JAG1: variants seen among roughly 807,000 people sequenced by gnomAD.
JAG1 encodes the protein protein jagged-1.
A neutral mutation model predicts 148.7 loss-of-function variants in JAG1; 23 were observed. The observed-to-expected ratio is 0.15, with a 90% CI of 0.11 to 0.22. The LOEUF (loss-of-function observed/expected upper bound fraction) is 0.22. JAG1 is among the 10% of genes least tolerant of loss of function. The pLI, the probability that JAG1 is intolerant of heterozygous loss-of-function variation, is 1.00. For missense variants in JAG1, 1,054 were observed against 1,611.2 expected (o/e 0.65, Z 5.92); for synonymous variants, 572 against 598.3 (o/e 0.96, Z 0.64).
At chr20:10,661,877 G>T (rs528511825) in intron 3 of JAG1, among the ~76,000 whole-genome samples, 2 of 152,316 alleles carry the variant, frequency 1.3e-5, no homozygotes, top group African/African-American at 4.8e-5. Context: ...TTCAGAACTT[G>T]GAGGTGGACT....
intron 5 of JAG1, among the ~76,000 whole-genome samples, chr20:10,654,536 GA>G (rs200065818): frequency 0.03 from 4,471 of 148,280 alleles, 101 homozygotes; most frequent in South Asian, 0.13. Context: ...ATGTGGGGGT[GA>G]AAAAAAAAAT....
intron 2 of JAG1, among the ~76,000 whole-genome samples, chr20:10,664,416 A>C (rs981135148): frequency 3.3e-5 from 5 of 151,700 alleles, no homozygotes; most frequent in Non-Finnish European, 7.4e-5. Flanking sequence ...ACACACAAAG[A>C]ATTTATTCTA....
chr20:10,640,814 T>G lies in JAG1; in HGVS notation c.3168A>C (p.Arg1056Ser), dbSNP rs146006022. Residue 1056 changes from arginine to serine, a missense_variant, in exon 25 of 26, where the codon AGA becomes AGC. Arg to Ser is a moderately radical substitution (Grantham distance 110). Transcript: ENST00000254958. ...TGTTCTTCAGAGGCCGCCTCTGAACTCTTACTTCTGCAACGGCAGCAATCA... is the reference window on the plus strand; with the variant it reads ...TGTTCTTCAGAGGCCGCCTCTGAACGCTTACTTCTGCAACGGCAGCAATCA... Reference protein sequence around the residue: ...SSLIAAVAEVRVQRRPLKNRT... With the variant: ...SSLIAAVAEVSVQRRPLKNRT... The G allele has an allele frequency of 4.8e-5, 77 of 1,614,102 alleles. No homozygotes were observed. The highest frequency in any genetic ancestry group is 1.3e-5 in the Non-Finnish European group (15 of 1,180,050).
intron 13 of JAG1, among the ~76,000 whole-genome samples, 172 bp downstream of exon 13, chr20:10,647,788 C>T (rs143716483): frequency 1.3e-5 from 2 of 152,226 alleles, no homozygotes; most frequent in Admixed American, 6.5e-5. Flanking sequence ...ACTGGCAGGC[C>T]GGAATAGATT....
intron 14 of JAG1, 152 bp from the exon 15 acceptor site, chr20:10,646,236 G>GAATTT (rs1254482600): frequency 1.5e-6 from 1 of 678,852 alleles, no homozygotes; most frequent in Non-Finnish European, 2.7e-6. Flanking sequence ...AAATTAGACA[G>GAATTT]GCGGCTTATC....
Position 10,673,344 on chromosome 20 carries a change from C to A in JAG1, c.81+106G>T. Reference sequence around the variant, plus strand: ...CCGCTCGGGCGCAGGGGCGAGGAGTCGGGCGCTCGAGGGCTGCCGAGCCTG... The same window carrying A: ...CCGCTCGGGCGCAGGGGCGAGGAGTAGGGCGCTCGAGGGCTGCCGAGCCTG... On this transcript the variant is annotated intron_variant, in intron 1 of 25. Coordinates refer to ENST00000254958, the MANE Select transcript of JAG1 (RefSeq NM_000214.3). This position sits in a 1 kb window ranked among gnomAD's most constrained non-coding sequence, Gnocchi z 4.7. 2 of 863,592 alleles carry A rather than the reference C, an allele frequency of 2.3e-6. No individual in the cohort carries two copies. Among genetic ancestry groups the A allele is most frequent in the South Asian group, 3.6e-5 (2 of 55,302 alleles). 53.5% of individuals were successfully genotyped at this position (863,592 alleles called of 1,614,324 possible).
Position 10,639,820 on chromosome 20 carries a change from G to T in JAG1, c.3335C>A (p.Thr1112Asn). The T allele has an allele frequency of 6.2e-7, 1 of 1,614,228 alleles. No individual in the cohort carries two copies. The highest frequency in any genetic ancestry group is 1.3e-5 in the African/African-American group (1 of 75,060). ...HTHSASEDNTTNNVREQLNQI... is the reference protein window; with the variant it reads ...HTHSASEDNTNNNVREQLNQI... ...GTTCAGCTGCTCCCGCACGTTGTTG[G>T]TGGTGTTGTCCTCAGAGGCTGAGTG... Residue 1112 changes from threonine (T) to asparagine (N), a missense_variant, in exon 26 of 26, where the codon ACC becomes AAC. Physicochemically the swap from Thr to Asn is moderately conservative, Grantham distance 65. Around this residue, in one of 6 missense-constraint regions of JAG1, gnomAD observed 177 missense variants for 177.3 expected, o/e 1.00. Transcript: ENST00000254958.
chr20:10,646,100 A>G lies in JAG1; in HGVS notation c.1886-16T>C. 1 of 1,574,468 alleles carries G rather than the reference A, an allele frequency of 6.4e-7. No homozygotes were observed. Among genetic ancestry groups the G allele is most frequent in the East Asian group, 2.2e-5 (1 of 44,712 alleles). Reference sequence around the variant, plus strand: ...TCATTAATATCTATGAAACAAAGTAAAGCAAAAAAAGAACTGAAGGACTTG... The same window carrying G: ...TCATTAATATCTATGAAACAAAGTAGAGCAAAAAAAGAACTGAAGGACTTG... On this transcript the variant is annotated splice_polypyrimidine_tract_variant and intron_variant, in intron 14 of 25. Coordinates refer to ENST00000254958, the MANE Select transcript of JAG1 (RefSeq NM_000214.3).
At chr20:10,668,868 G>A (rs2067475228) in intron 2 of JAG1, among the ~76,000 whole-genome samples, 1 of 152,024 alleles carries the variant, frequency 6.6e-6, no homozygotes, top group Non-Finnish European at 1.5e-5. Flanking sequence ...GAGCCTCCAC[G>A]CCAAAGTTTC....
rs113910163 is a variant in JAG1 at position 10,644,273 on chromosome 20, T to TTC, written c.2372+82_2372+83dup. 24,994 of 615,514 alleles carry TTC rather than the reference T, an allele frequency of 0.041. 1,082 individuals carry two copies. The highest frequency in any genetic ancestry group is 0.12 in the South Asian group (5,870 of 48,428). The allele number at this position is 615,514 out of a possible 1,614,324, so 38.1% of individuals were successfully genotyped here. A position where few individuals can be genotyped will look rare whatever the true frequency, so the allele number is the denominator to read the frequency against. ...CATTTTAAACACAATCCCTGGGTGATTCTCACACACACACACACACACACA... is the reference window on the plus strand; with the variant it reads ...CATTTTAAACACAATCCCTGGGTGATTCTCTCACACACACACACACACACACA... On this transcript the variant is annotated intron_variant, in intron 19 of 25. Transcript: ENST00000254958.
chr20:10,659,253 T>C (rs1245680021), intron 3 of JAG1, among the ~76,000 whole-genome samples: 2 of 152,264 alleles, frequency 1.3e-5, no homozygotes, highest in Non-Finnish European at 2.9e-5. Context: ...CTCATTTAAT[T>C]AGCATTTAAC....
At chr20:10,661,926 C>T (rs1412240579) in intron 3 of JAG1, among the ~76,000 whole-genome samples, 1 of 152,164 alleles carries the variant, frequency 6.6e-6, no homozygotes, top group Non-Finnish European at 1.5e-5. Flanking sequence ...CACAGATCGC[C>T]TTCTATATTT....
At chr20:10,641,311 C>T in intron 23 of JAG1, 67 bp from the exon 24 acceptor site, 1 of 1,594,534 alleles carries the variant, frequency 6.3e-7, no homozygotes, top group Non-Finnish European at 8.6e-7. Context: ...CTGAGATGTT[C>T]TCTTTGAGGC....
chr20:10,667,164 A>C (rs1311400439), intron 2 of JAG1, among the ~76,000 whole-genome samples: 2 of 152,226 alleles, frequency 1.3e-5, no homozygotes, highest in Non-Finnish European at 1.5e-5. Context: ...GACGGACACA[A>C]ATAAACCGCC....
chr20:10,652,324 C>A, intron 6 of JAG1, 74 bp from the exon 7 acceptor site: 12 of 1,602,954 alleles, frequency 7.5e-6, no homozygotes, highest in South Asian at 3.3e-5. Flanking sequence ...TAGCCCCAGT[C>A]GTCTTTTAAA....
intron 2 of JAG1, among the ~76,000 whole-genome samples, chr20:10,666,232 C>T (rs1222304868): frequency 6.6e-6 from 1 of 152,200 alleles, no homozygotes; most frequent in African/African-American, 2.4e-5. Flanking sequence ...ACTCCATCCC[C>T]ACACTATAGA....
At chr20:10,663,287 A>G (rs552375258) in intron 3 of JAG1, among the ~76,000 whole-genome samples, 38 of 152,322 alleles carry the variant, frequency 2.5e-4, no homozygotes, top group African/African-American at 8.7e-4. Flanking sequence ...AAAACACTGT[A>G]AAGTTACAAT....
At chr20:10,644,015 C>T in intron 19 of JAG1, 152 bp from the exon 20 acceptor site, 1 of 724,924 alleles carries the variant, frequency 1.4e-6, no homozygotes, top group Non-Finnish European at 2.5e-6. Flanking sequence ...TGCCTGGGTC[C>T]CACCCCCAGA....
Position 10,649,182 on chromosome 20 carries a change from G to A in JAG1, c.1349-75C>T. On this transcript the variant is annotated intron_variant, in intron 10 of 25. Transcript: ENST00000254958. ...TGGGCTTAATTGAAAAGCCTTCTCAGCTCAGGATAGATAAGTTTCAAATCA... is the reference window on the plus strand; with the variant it reads ...TGGGCTTAATTGAAAAGCCTTCTCAACTCAGGATAGATAAGTTTCAAATCA... 3 of 975,960 alleles carry A rather than the reference G, an allele frequency of 3.1e-6. No homozygotes were observed. The South Asian group carries it at 4.0e-5, about 13-fold the overall frequency. 60.5% of individuals were successfully genotyped at this position (975,960 alleles called of 1,614,324 possible). A position where few individuals can be genotyped will look rare whatever the true frequency, so the allele number is the denominator to read the frequency against.
Sources: gnomAD v4.1 joint callset for allele counts (sites outside exome capture counted in the v4.1 genomes callset) on GRCh38, gnomAD v4.1.1 for gene constraint, gnomAD v4.1.1 regional missense constraint, Gnocchi (gnomAD v3.1) non-coding constraint, MANE v1.5 for transcripts, NCBI Gene and HGNC (gene_info 2026-07-23, HGNC 2026-07-21) for gene names.